CELF2: variants seen among roughly 807,000 people sequenced by gnomAD.
The protein encoded by CELF2 is CUGBP Elav-like family member 2.
In CELF2, 8 loss-of-function variants were observed where a neutral mutation model predicts 62.6. That is an observed-to-expected ratio of 0.13 (90% CI 0.07 to 0.23). The LOEUF (loss-of-function observed/expected upper bound fraction) is 0.23, where lower values mean the gene tolerates loss of function less well. CELF2 is among the 10% of genes least tolerant of loss of function. The pLI is 1.00. For missense variants in CELF2, 333 were observed against 671.0 expected (o/e 0.50, Z 5.56); for synonymous variants, 258 against 250.0 (o/e 1.03, Z -0.30).
At chr10:11,041,219 C>T (rs994317987) in intron 1 of CELF2, among the ~76,000 whole-genome samples, 2 of 152,194 alleles carry the variant, frequency 1.3e-5, no homozygotes, top group African/African-American at 4.8e-5. Context: ...CAATCTACTT[C>T]CCAAAGGCCC....
chr10:11,116,860 A>G (rs911751646), intron 1 of CELF2, among the ~76,000 whole-genome samples: 5 of 152,236 alleles, frequency 3.3e-5, no homozygotes, highest in African/African-American at 1.2e-4. Context: ...TTCGTTAACC[A>G]ACACTTACAC....
At chr10:10,514,671 A>T in the CELF2 span, among the ~76,000 whole-genome samples, 150,011 of 152,248 alleles carry the variant, frequency 0.99, 73,943 homozygotes, top group East Asian at 1. Flanking sequence ...ATGGCTGATG[A>T]GGTTGGAAAT....
intron 1 of CELF2, among the ~76,000 whole-genome samples, chr10:11,121,729 A>G (rs2057790842): frequency 6.6e-6 from 1 of 151,568 alleles, no homozygotes; most frequent in Admixed American, 6.6e-5. Context: ...TTTGACTTTG[A>G]TTTGTGGAAA....
chr10:11,263,382 A>AGG (rs1250159865), intron 5 of CELF2, among the ~76,000 whole-genome samples: 25 of 152,130 alleles, frequency 1.6e-4, no homozygotes, highest in Non-Finnish European at 1.5e-5. Context: ...TTGTCTTACC[A>AGG]AAACTCCCTC....
chr10:10,517,697 A>G, the CELF2 span, among the ~76,000 whole-genome samples: 2 of 152,274 alleles, frequency 1.3e-5, no homozygotes, highest in South Asian at 2.1e-4. Context: ...CATGGGAAGG[A>G]TAGTCAGAGA....
At chr10:10,850,839 T>C (rs1026913140) in intron 1 of CELF2, among the ~76,000 whole-genome samples, 4 of 152,262 alleles carry the variant, frequency 2.6e-5, no homozygotes, top group African/African-American at 9.6e-5. Flanking sequence ...GAGTCTCTGC[T>C]CTGTCACCCA....
the CELF2 span, among the ~76,000 whole-genome samples, chr10:10,677,746 G>A: frequency 6.6e-6 from 1 of 152,160 alleles, no homozygotes; most frequent in Non-Finnish European, 1.5e-5. Flanking sequence ...GCTCAAAGAT[G>A]GCTGACTCAG....
At chr10:11,197,636 C>G (rs144521266) in intron 2 of CELF2, among the ~76,000 whole-genome samples, 1 of 152,212 alleles carries the variant, frequency 6.6e-6, no homozygotes, top group Non-Finnish European at 1.5e-5. Context: ...TGGGCTCCCC[C>G]GCCTGATCCG....
chr10:10,723,525 A>G, the CELF2 span, among the ~76,000 whole-genome samples: 1 of 152,222 alleles, frequency 6.6e-6, no homozygotes, highest in African/African-American at 2.4e-5. Flanking sequence ...ATGTTTTACC[A>G]ATTAGCTTTT....
chr10:10,787,476 G>A, the CELF2 span, among the ~76,000 whole-genome samples: 3 of 152,202 alleles, frequency 2.0e-5, no homozygotes, highest in African/African-American at 2.4e-5. Flanking sequence ...TTTTCTCTCC[G>A]GTTTCCCAAT....
chr10:10,986,746 C>G (rs1176996300), intron 2 of CELF2, among the ~76,000 whole-genome samples: 1 of 152,192 alleles, frequency 6.6e-6, no homozygotes, highest in Non-Finnish European at 1.5e-5. Context: ...AATCCCTCTA[C>G]AGGGCAATGT....
At chr10:10,625,936 A>C in the CELF2 span, among the ~76,000 whole-genome samples, 6 of 152,012 alleles carry the variant, frequency 3.9e-5, no homozygotes, top group African/African-American at 7.2e-5. Context: ...TCTTCTAAAA[A>C]TACCAAGTTG....
intron 8 of CELF2, among the ~76,000 whole-genome samples, chr10:11,278,768 A>G (rs1040425549): frequency 3.3e-5 from 5 of 152,250 alleles, no homozygotes; most frequent in Non-Finnish European, 7.3e-5. Flanking sequence ...GCACTAGTCA[A>G]TGACCTAACA....
At chr10:10,922,718 C>T (rs1359324500) in intron 2 of CELF2, 1 of 152,076 alleles carries the variant, frequency 6.6e-6, no homozygotes, top group Non-Finnish European at 1.5e-5. Context: ...ATTCTCATGT[C>T]GAATCATGTT....
chr10:10,918,028 G>A (rs1354094642), intron 1 of CELF2: 1 of 152,184 alleles, frequency 6.6e-6, no homozygotes, highest in Non-Finnish European at 1.5e-5. Flanking sequence ...TGTGCTGTTA[G>A]TGTTACTACA....
the CELF2 span, among the ~76,000 whole-genome samples, chr10:10,771,314 G>T: frequency 6.6e-6 from 1 of 152,136 alleles, no homozygotes; most frequent in African/African-American, 2.4e-5. Context: ...CAGTGATATT[G>T]CCAGTGTGAT....
chr10:11,031,125 C>T (rs17149262), intron 1 of CELF2, among the ~76,000 whole-genome samples: 1 of 152,110 alleles, frequency 6.6e-6, no homozygotes, highest in Non-Finnish European at 1.5e-5. Context: ...TCAGGTGGCG[C>T]TACGCCTTCT....
intron 2 of CELF2, among the ~76,000 whole-genome samples, chr10:10,980,100 GGAA>G (rs1301610712): frequency 1.3e-5 from 2 of 152,182 alleles, no homozygotes; most frequent in Non-Finnish European, 2.9e-5. Context: ...TGAAAACAGA[GGAA>G]GAAGGAAGAA....
rs113666663 is a variant in CELF2 at position 10,877,278 on chromosome 10, G to C, written c.54-42686G>C. 7.4e-3 allele frequency among the ~76,000 whole-genome samples: 1,123 copies of C among 152,356 alleles called. 12 individuals are homozygous for C. Among genetic ancestry groups the C allele is most frequent in the African/African-American group, 0.023 (954 of 41,590 alleles). On this transcript the variant is annotated intron_variant, in intron 1 of 13. Coordinates refer to the CELF2 transcript ENST00000636488. Reference sequence around the variant, plus strand: ...TTGCCAAGGTCAAGGACACACCCGTGACACAGCCTCAGGAGATCCTGATGA... The same window carrying C: ...TTGCCAAGGTCAAGGACACACCCGTCACACAGCCTCAGGAGATCCTGATGA...
Sources: allele counts gnomAD v4.1 joint callset (sites outside exome capture counted in the v4.1 genomes callset), GRCh38; gene constraint gnomAD v4.1.1; transcripts MANE v1.5; gene names NCBI Gene and HGNC (gene_info 2026-07-23, HGNC 2026-07-21).